Variants in LRRC72 observed in about 807,000 individuals in gnomAD.
LRRC72 encodes the protein leucine-rich repeat-containing protein 72.
LRRC72 carries 41 observed loss-of-function variants against 35.8 expected under a neutral mutation model. The ratio of observed to expected loss-of-function variants is 1.15; its 90% confidence interval spans 0.89 to 1.49. The LOEUF (loss-of-function observed/expected upper bound fraction) is 1.49, where lower values mean the gene tolerates loss of function less well. Among genes scored for constraint, LRRC72 ranks in the 40% most tolerant of loss-of-function variants. The probability of loss-of-function intolerance (pLI) is 0.00; values close to 1 mark genes in which losing one functional copy is unlikely to be tolerated. For synonymous variants in LRRC72, 118 were observed against 119.2 expected, an observed-to-expected ratio of 0.99 and a Z score of 0.07; for missense variants, 389 against 330.7, an observed-to-expected ratio of 1.18 and a Z score of -1.37.
At chr7:16,528,228 A>G (rs941216874) in intron 1 of LRRC72, among the ~76,000 whole-genome samples, 4 of 151,734 alleles carry the variant, frequency 2.6e-5, no homozygotes, top group African/African-American at 9.7e-5. Context: ...CCTTTCCATC[A>G]TGTTTCCCTC....
At chr7:16,544,396 G>A (rs1198874562) in intron 3 of LRRC72, among the ~76,000 whole-genome samples, 2 of 152,086 alleles carry the variant, frequency 1.3e-5, no homozygotes, top group African/African-American at 4.8e-5. Flanking sequence ...GCTTCATATT[G>A]CATAGATATT....
chr7:16,558,691 T>G (rs997698516), intron 4 of LRRC72, among the ~76,000 whole-genome samples, 198 bp from the exon 5 acceptor site: 1 of 152,062 alleles, frequency 6.6e-6, no homozygotes, highest in African/African-American at 2.4e-5. Context: ...ATTAATTATA[T>G]GAATTATGCC....
At chr7:16,578,186 T>G (rs981920394) in intron 7 of LRRC72, among the ~76,000 whole-genome samples, 1 of 152,244 alleles carries the variant, frequency 6.6e-6, no homozygotes, top group African/African-American at 2.4e-5. Context: ...TACAAACTAT[T>G]CCATTATAGA....
intron 3 of LRRC72, among the ~76,000 whole-genome samples, chr7:16,541,994 C>T (rs1015694094): frequency 6.6e-6 from 1 of 151,908 alleles, no homozygotes; most frequent in African/African-American, 2.4e-5. Context: ...GGTCACAGTG[C>T]GCGACTTCTG....
intron 3 of LRRC72, among the ~76,000 whole-genome samples, chr7:16,553,988 C>T (rs1782602153): frequency 6.6e-6 from 1 of 152,190 alleles, no homozygotes; most frequent in Non-Finnish European, 1.5e-5. Context: ...AATCCTACAG[C>T]AATCCTGGGA....
chr7:16,552,219 G>C (rs1396024013), intron 3 of LRRC72, among the ~76,000 whole-genome samples: 1 of 152,092 alleles, frequency 6.6e-6, no homozygotes. Context: ...ACATTCAAAA[G>C]TTTTCTCAGA....
chr7:16,556,078 A>C (rs999796290), intron 3 of LRRC72, among the ~76,000 whole-genome samples: 3 of 152,024 alleles, frequency 2.0e-5, no homozygotes, highest in African/African-American at 7.2e-5. Flanking sequence ...ACTAAAAAAA[A>C]AAAATAGGCG....
rs1227294035 is a variant in LRRC72, at chr7:16,541,940, G to GAC, written c.234+4246_234+4247dup. On this transcript the variant is annotated intron_variant, in intron 3 of 8. Transcript: ENST00000401542. ...ACACACATACACGCACACACAGACA[G>GAC]ACAGACACACACACACACACACACA... 2.1e-5 allele frequency among the ~76,000 whole-genome samples: 3 copies of GAC among 146,122 alleles called. No individual in the cohort carries two copies. In the Admixed American group the frequency reaches 2.1e-4, roughly 10 times the overall value.
intron 3 of LRRC72, among the ~76,000 whole-genome samples, chr7:16,548,725 C>A (rs1309587485): frequency 6.6e-6 from 1 of 152,246 alleles, no homozygotes; most frequent in Non-Finnish European, 1.5e-5. Context: ...AGGAGCTGAG[C>A]ACAGCCTTCC....
chr7:16,532,533 G>T lies in LRRC72; in HGVS notation c.129G>T (p.Arg43Ser). The part of the protein sequence containing the change: ...EDQLKICGHR[R>S]DADVFELFLS... ...AGCTAAAGATATGTGGCCACAGGAGGGATGCTGATGTCTTTGAGCTGTTCC... is the reference window on the plus strand; with the variant it reads ...AGCTAAAGATATGTGGCCACAGGAGTGATGCTGATGTCTTTGAGCTGTTCC... The change falls in exon 2 of 9, where the codon AGG becomes AGT. Residue 43 changes from arginine to serine, a missense_variant. Coordinates refer to ENST00000401542, the MANE Select transcript of LRRC72 (RefSeq NM_001195280.2). 6.5e-7 allele frequency: 1 copy of T among 1,550,116 alleles called. No individual in the cohort carries two copies. The highest frequency in any genetic ancestry group is 8.7e-7 in the Non-Finnish European group (1 of 1,146,508).
intron 1 of LRRC72, 48 bp downstream of exon 1, chr7:16,527,090 C>A: frequency 6.9e-7 from 1 of 1,444,956 alleles, no homozygotes; most frequent in Non-Finnish European, 9.4e-7. Flanking sequence ...TGGCCCCCTG[C>A]CCCAGGGCCC....
At chr7:16,528,275 C>T (rs929624382) in intron 1 of LRRC72, among the ~76,000 whole-genome samples, 15 of 152,232 alleles carry the variant, frequency 9.9e-5, no homozygotes, top group African/African-American at 3.1e-4. Flanking sequence ...TCGTGATCTT[C>T]CTTGGATCCC....
At chr7:16,574,410 C>G (rs940174136) in intron 7 of LRRC72, among the ~76,000 whole-genome samples, 1 of 152,134 alleles carries the variant, frequency 6.6e-6, no homozygotes, top group African/African-American at 2.4e-5. Context: ...AAATGCCCAT[C>G]AATGATAGAC....
At chr7:16,551,335 T>A (rs1782544578) in intron 3 of LRRC72, among the ~76,000 whole-genome samples, 1 of 152,174 alleles carries the variant, frequency 6.6e-6, no homozygotes, top group South Asian at 2.1e-4. Flanking sequence ...TTAGTCCCAG[T>A]CCTCATTTCC....
intron 5 of LRRC72, among the ~76,000 whole-genome samples, chr7:16,561,971 C>T (rs1003336425): frequency 5.9e-5 from 9 of 152,184 alleles, no homozygotes; most frequent in African/African-American, 2.2e-4. Context: ...TATTATTCCA[C>T]TTAAATTACA....
chr7:16,531,793 A>C (rs1293110694), intron 1 of LRRC72, among the ~76,000 whole-genome samples: 1 of 152,206 alleles, frequency 6.6e-6, no homozygotes, highest in Non-Finnish European at 1.5e-5. Context: ...TTAAGAAAAA[A>C]AAGTAAAGCA....
Position 16,559,350 on chromosome 7 carries a change from C to T in LRRC72, c.427+351C>T, listed in dbSNP as rs139532392. ...CAGAGGTTGCAGTGAGCCAAGATCG[C>T]GCCACTGGACTCTATCCTGGGTAAC... On this transcript the variant is annotated intron_variant, in intron 5 of 8. Coordinates refer to ENST00000401542, the MANE Select transcript of LRRC72 (RefSeq NM_001195280.2). 6.0e-3 allele frequency among the ~76,000 whole-genome samples: 906 copies of T among 151,680 alleles called. 6 individuals carry two copies. Among genetic ancestry groups the T allele is most frequent in the South Asian group, 9.0e-3 (43 of 4,798 alleles).
intron 7 of LRRC72, among the ~76,000 whole-genome samples, chr7:16,572,961 G>T (rs892502005): frequency 2.0e-5 from 3 of 152,040 alleles, no homozygotes; most frequent in Admixed American, 2.0e-4. Flanking sequence ...AAAGTCTCAG[G>T]ACACAAAACC....
intron 7 of LRRC72, among the ~76,000 whole-genome samples, chr7:16,573,321 A>T (rs1782980843): frequency 6.6e-6 from 1 of 152,226 alleles, no homozygotes; most frequent in Non-Finnish European, 1.5e-5. Context: ...TTCATATGGA[A>T]CCAAAAAAGA....
Sources: gnomAD v4.1 joint callset for allele counts (sites outside exome capture counted in the v4.1 genomes callset) on GRCh38, gnomAD v4.1.1 for gene constraint, MANE v1.5 for transcripts, NCBI Gene and HGNC (gene_info 2026-07-23, HGNC 2026-07-21) for gene names.